F13A1: variants seen among roughly 807,000 people sequenced by gnomAD.
F13A1 encodes FSF, A subunit.
F13A1 carries 47 observed loss-of-function variants against 80.1 expected under a neutral mutation model. The ratio of observed to expected loss-of-function variants is 0.59; its 90% CI spans 0.46 to 0.75. F13A1 has a LOEUF of 0.75. F13A1 is among the 30% of genes least tolerant of loss of function. The probability of loss-of-function intolerance (pLI) is 0.00; values close to 1 mark genes in which losing one functional copy is unlikely to be tolerated. For missense variants in F13A1, 817 were observed against 930.4 expected (o/e 0.88, Z 1.59); for synonymous variants, 349 against 344.9 (o/e 1.01, Z -0.13).
At position 6,151,922 on chromosome 6, in the gene F13A1, C is replaced by T; in HGVS notation, c.1936G>A (p.Asp646Asn). ...KVRGTQVVGS[D>N]MTVTVEFTNP... ...GTAAACTCAACTGTCACAGTCATGTCAGAACCAACTACCTGAGTGCCACGG... is the reference window on the plus strand; with the variant it reads ...GTAAACTCAACTGTCACAGTCATGTTAGAACCAACTACCTGAGTGCCACGG... Residue 646 changes from aspartate to asparagine, a missense_variant, in exon 14 of 15, where the codon GAC (aspartate) becomes AAC (asparagine). Transcript: ENST00000264870. 1 of 1,614,132 alleles carries T rather than the reference C, an allele frequency of 6.2e-7. No individual in the cohort carries two copies. The highest frequency in any genetic ancestry group is 8.5e-7 in the Non-Finnish European group (1 of 1,179,982).
intron 4 of F13A1, among the ~76,000 whole-genome samples, chr6:6,255,509 A>G (rs990340422): frequency 2.7e-4 from 41 of 152,114 alleles, no homozygotes; most frequent in Admixed American, 5.9e-4. Flanking sequence ...CCAGCCCCCA[A>G]CACTGTGCCT....
In F13A1 at chr6:6,266,699, G is replaced by A. The variant is rs767046666; in HGVS notation, c.430C>T (p.Arg144Trp). The A allele has an allele frequency of 8.1e-6, 13 of 1,614,018 alleles. No homozygotes were observed. The highest frequency in any genetic ancestry group is 5.0e-5 in the Admixed American group (3 of 59,996). Residue 144 changes from arginine (R) to tryptophan (W), a missense_variant, in exon 4 of 15, where the codon CGG becomes TGG. Transcript: ENST00000264870. ...TTGGGGGAAGACTGGATGGACAGCC[G>A]CACAGACCTGTCCTCTCTCATGACA... is the stretch of plus-strand genomic sequence containing the variant. ...KIVMREDRSVRLSIQSSPKCI... is the reference protein window; with the variant it reads ...KIVMREDRSVWLSIQSSPKCI...
intron 8 of F13A1, among the ~76,000 whole-genome samples, chr6:6,209,242 G>A (rs550454706): frequency 1.3e-4 from 20 of 150,790 alleles, no homozygotes; most frequent in African/African-American, 3.7e-4. Flanking sequence ...GATGTTCAAC[G>A]TCATTGGTCA....
At chr6:6,223,994 G>A (rs371833385) in intron 7 of F13A1, among the ~76,000 whole-genome samples, 13 of 152,238 alleles carry the variant, frequency 8.5e-5, no homozygotes, top group Non-Finnish European at 1.5e-4. Flanking sequence ...TTGTAATATC[G>A]TCTGGGTCTA....
Position 6,266,555 on chromosome 6 carries a change from T to C in F13A1, c.571+3A>G. 1 of 1,614,248 alleles carries C rather than the reference T, an allele frequency of 6.2e-7. No homozygotes were observed. On this transcript the variant is annotated splice_donor_region_variant and intron_variant, in intron 4 of 14. Transcript: ENST00000264870. The stretch of plus-strand genomic sequence containing the variant: ...ATGAGAAAACTAAATGTCTGCCTCT[T>C]ACCTTCACACCAAGGATTGAAGAGA...
chr6:6,159,884 TAAAACAGAGC>T (rs1003333254), intron 13 of F13A1, among the ~76,000 whole-genome samples: 3 of 152,056 alleles, frequency 2.0e-5, no homozygotes, highest in Non-Finnish European at 2.9e-5. Flanking sequence ...TAGCTCAGGT[TAAAACAGAGC>T]AACTGCACTC....
In F13A1 at chr6:6,153,574, A is replaced by T. The variant is rs549932254; in HGVS notation, c.1909-1625T>A. ...TTACATTTAAATCCGCATCTCCTGGAGGGCAGTGGTGGAGAGCTGGATTCA... is the reference window on the plus strand; with the variant it reads ...TTACATTTAAATCCGCATCTCCTGGTGGGCAGTGGTGGAGAGCTGGATTCA... On this transcript the variant is annotated intron_variant, in intron 13 of 14. Coordinates refer to ENST00000264870, the MANE Select transcript of F13A1 (RefSeq NM_000129.4). Among the ~76,000 whole-genome samples, 4 of 152,296 alleles carry T rather than the reference A, an allele frequency of 2.6e-5. No individual in the cohort carries two copies. In the South Asian group the frequency reaches 8.3e-4, roughly 32 times the overall value.
At chr6:6,284,776 T>A (rs923251305) in intron 3 of F13A1, among the ~76,000 whole-genome samples, 1 of 152,168 alleles carries the variant, frequency 6.6e-6, no homozygotes, top group Non-Finnish European at 1.5e-5. Context: ...GGTACATACT[T>A]CGTAGCCCTC....
At chr6:6,248,947 T>C (rs1328097475) in intron 5 of F13A1, among the ~76,000 whole-genome samples, 2 of 152,214 alleles carry the variant, frequency 1.3e-5, no homozygotes, top group East Asian at 3.8e-4. Flanking sequence ...TTTCCCCTCT[T>C]CTGAGACAAG....
intron 13 of F13A1, among the ~76,000 whole-genome samples, chr6:6,156,182 C>G (rs1415927537): frequency 6.6e-6 from 1 of 152,030 alleles, no homozygotes; most frequent in Non-Finnish European, 1.5e-5. Flanking sequence ...AAAATCAACC[C>G]GTAGTATGCT....
At chr6:6,288,779 T>C (rs1317901517) in intron 3 of F13A1, among the ~76,000 whole-genome samples, 2 of 152,234 alleles carry the variant, frequency 1.3e-5, no homozygotes, top group African/African-American at 4.8e-5. Context: ...TAATAGTGTA[T>C]AGGGTTCTCT....
intron 13 of F13A1, among the ~76,000 whole-genome samples, chr6:6,161,610 T>C (rs1381874092): frequency 6.8e-6 from 1 of 147,202 alleles, no homozygotes; most frequent in Non-Finnish European, 1.5e-5. Flanking sequence ...CAGAGAAAAA[T>C]TCTATGTCTG....
At chr6:6,282,248 T>A (rs187456618) in intron 3 of F13A1, among the ~76,000 whole-genome samples, 1 of 152,166 alleles carries the variant, frequency 6.6e-6, no homozygotes, top group East Asian at 1.9e-4. Flanking sequence ...ATTTTGAGGG[T>A]AGGTGCAGGG....
At chr6:6,305,140 G>A in intron 3 of F13A1, 3 of 623,496 alleles carry the variant, frequency 4.8e-6, no homozygotes, top group Non-Finnish European at 8.6e-6. Flanking sequence ...TTATTTATAT[G>A]AGATTTTCTC....
chr6:6,208,338 A>T (rs1001907624), intron 8 of F13A1, among the ~76,000 whole-genome samples: 2 of 152,226 alleles, frequency 1.3e-5, no homozygotes, highest in African/African-American at 4.8e-5. Context: ...AAATTATCCA[A>T]TTTGAATAAC....
At chr6:6,204,359 G>T (rs1393839940) in intron 8 of F13A1, among the ~76,000 whole-genome samples, 1 of 152,244 alleles carries the variant, frequency 6.6e-6, no homozygotes, top group African/African-American at 2.4e-5. Flanking sequence ...CCCTGGAGGA[G>T]ATGTCTTGGA....
In F13A1 at chr6:6,190,898, C is replaced by T. The variant is rs374677224; in HGVS notation, c.1305+4899G>A. 7.6e-3 allele frequency among the ~76,000 whole-genome samples: 1,114 copies of T among 145,890 alleles called. 8 individuals carry two copies. The highest frequency in any genetic ancestry group is 0.056 in the Middle Eastern group (16 of 286). On this transcript the variant is annotated intron_variant, in intron 10 of 14. Transcript: ENST00000264870. Reference sequence around the variant, plus strand: ...GAGACTCCGTGGGCGTAGGACCCTCCGAGCCAGGTGCGGGATATAATCTCG... The same window carrying T: ...GAGACTCCGTGGGCGTAGGACCCTCTGAGCCAGGTGCGGGATATAATCTCG...
intron 3 of F13A1, among the ~76,000 whole-genome samples, chr6:6,268,427 A>G (rs547489015): frequency 6.6e-6 from 1 of 152,194 alleles, no homozygotes; most frequent in Non-Finnish European, 1.5e-5. Context: ...AACCCAGACC[A>G]TCTGGTTTGA....
intron 10 of F13A1, among the ~76,000 whole-genome samples, chr6:6,186,085 TA>T (rs2151078588): frequency 6.6e-6 from 1 of 151,504 alleles, no homozygotes; most frequent in African/African-American, 2.4e-5. Flanking sequence ...TTTTTTCTTG[TA>T]AATTTGTTTG....
Sources: gnomAD v4.1 joint callset for allele counts (sites outside exome capture counted in the v4.1 genomes callset) on GRCh38, gnomAD v4.1.1 for gene constraint, MANE v1.5 for transcripts, NCBI Gene and HGNC (gene_info 2026-07-23, HGNC 2026-07-21) for gene names.